DIPK1A: variants seen among roughly 807,000 people sequenced by gnomAD.
The protein encoded by DIPK1A is family with sequence similarity 69 member A.
Under a neutral mutation model 40.8 loss-of-function variants are expected in DIPK1A, and 27 were observed. That is an observed-to-expected ratio of 0.66 (90% CI 0.49 to 0.91). DIPK1A has a LOEUF of 0.91. Ranked by LOEUF, DIPK1A falls within the 40% of genes least tolerant of loss-of-function variation. DIPK1A has a pLI of 0.00. For missense variants in DIPK1A, 412 were observed against 505.7 expected, an observed-to-expected ratio of 0.81 and a Z score of 1.78; for synonymous variants, 166 against 171.3, an observed-to-expected ratio of 0.97 and a Z score of 0.24.
intron 3 of DIPK1A, among the ~76,000 whole-genome samples, chr1:92,850,572 A>G (rs946275088): frequency 3.9e-5 from 6 of 152,108 alleles, no homozygotes; most frequent in African/African-American, 1.4e-4. Context: ...TCCCAGCTAC[A>G]TGGGAGGCTG....
intron 2 of DIPK1A, among the ~76,000 whole-genome samples, chr1:92,864,099 A>G (rs1366372441): frequency 1.3e-5 from 2 of 152,158 alleles, no homozygotes; most frequent in Non-Finnish European, 2.9e-5. Context: ...AAAAAAACCC[A>G]GTATGTTCCA....
At chr1:92,942,509 A>C (rs1049150629) in intron 1 of DIPK1A, among the ~76,000 whole-genome samples, 1 of 152,182 alleles carries the variant, frequency 6.6e-6, no homozygotes, top group Non-Finnish European at 1.5e-5. Flanking sequence ...CTAATCTTTT[A>C]GCAGTTTTTT....
chr1:92,871,689 T>C lies in DIPK1A; in HGVS notation c.189+4607A>G, dbSNP rs1647868506. 2.6e-5 allele frequency among the ~76,000 whole-genome samples: 4 copies of C among 152,222 alleles called. No homozygotes were observed. In the South Asian group the frequency reaches 8.3e-4, roughly 31 times the overall value. ...TTATATGTAATTGTTATTCTAGGTATTGCAGCATATAAATGGAATCATACA... is the reference window on the plus strand; with the variant it reads ...TTATATGTAATTGTTATTCTAGGTACTGCAGCATATAAATGGAATCATACA... On this transcript the variant is annotated intron_variant, in intron 2 of 4. Transcript: ENST00000370310.
intron 1 of DIPK1A, among the ~76,000 whole-genome samples, chr1:92,937,853 A>AT (rs1231173436): frequency 6.6e-6 from 1 of 152,018 alleles, no homozygotes; most frequent in Non-Finnish European, 1.5e-5. Flanking sequence ...GGCCTTTCAC[A>AT]TAAAAAGCCA....
chr1:92,836,398 A>G (rs1687127288), intron 4 of DIPK1A: 1 of 1,613,540 alleles, frequency 6.2e-7, no homozygotes, highest in Non-Finnish European at 8.5e-7. Context: ...CACAGGTAAG[A>G]ATACTATTTA....
intron 1 of DIPK1A, among the ~76,000 whole-genome samples, chr1:92,898,613 T>C (rs1293954705): frequency 6.6e-6 from 1 of 152,164 alleles, no homozygotes; most frequent in Non-Finnish European, 1.5e-5. Flanking sequence ...TAGCTGGGAC[T>C]ATAGGTGTGA....
rs950154061 is a variant in DIPK1A, at chr1:92,832,860, A to G, written c.*160T>C. On this transcript the variant is annotated 3_prime_UTR_variant, in exon 5 of 5. Coordinates refer to the DIPK1A transcript ENST00000615519. ...TGCCCAGTTAAGCTTTGTGGCAGGT[A>G]ATTTAGGCTTTTGAAAAACATAACA... The G allele has an allele frequency of 2.8e-5, 17 of 617,146 alleles. No homozygotes were observed. In the African/African-American group the frequency reaches 2.8e-4, roughly 10 times the overall value. 38.2% of individuals were successfully genotyped at this position (617,146 alleles called of 1,614,324 possible).
At chr1:92,943,581 T>C (rs1343447052) in intron 1 of DIPK1A, among the ~76,000 whole-genome samples, 1 of 151,052 alleles carries the variant, frequency 6.6e-6, no homozygotes, top group African/African-American at 2.4e-5. Flanking sequence ...AAAAACCAGA[T>C]AGCTGAAAGA....
chr1:92,855,129 A>G (rs1557454518), intron 2 of DIPK1A, among the ~76,000 whole-genome samples: 2 of 152,202 alleles, frequency 1.3e-5, no homozygotes, highest in African/African-American at 4.8e-5. Context: ...AAACAAAAAA[A>G]CAAACATATG....
At chr1:92,946,264 TA>T (rs1651358428) in intron 1 of DIPK1A, among the ~76,000 whole-genome samples, 1 of 152,146 alleles carries the variant, frequency 6.6e-6, no homozygotes, top group South Asian at 2.1e-4. Context: ...AATAATATAA[TA>T]TTATTTATAG....
In DIPK1A at chr1:92,924,738, C is replaced by A. The variant is rs895424621; in HGVS notation, c.54+36638G>T. On this transcript the variant is annotated intron_variant, in intron 1 of 4. Coordinates refer to ENST00000370310, the MANE Select transcript of DIPK1A (RefSeq NM_001006605.5). ...GGTGTCAGGGAGTGATTGAGTCCAGCAAATCTTCTGTCGGCAGGAGCACTT... is the reference window on the plus strand; with the variant it reads ...GGTGTCAGGGAGTGATTGAGTCCAGAAAATCTTCTGTCGGCAGGAGCACTT... 2.6e-5 allele frequency among the ~76,000 whole-genome samples: 4 copies of A among 152,178 alleles called. 1 individual carries two copies. The highest frequency in any genetic ancestry group is 9.7e-5 in the African/African-American group (4 of 41,430).
chr1:92,901,230 C>T (rs1557477158), intron 1 of DIPK1A, among the ~76,000 whole-genome samples: 1 of 151,846 alleles, frequency 6.6e-6, no homozygotes, highest in African/African-American at 2.4e-5. Context: ...GGAGACTTAG[C>T]TGAGGGGATC....
At chr1:92,888,968 C>T (rs557393400) in intron 1 of DIPK1A, among the ~76,000 whole-genome samples, 1 of 152,254 alleles carries the variant, frequency 6.6e-6, no homozygotes, top group Non-Finnish European at 1.5e-5. Flanking sequence ...TGCACGTTGT[C>T]TCTTCACTCT....
At chr1:92,867,279 C>G (rs1277607593) in intron 2 of DIPK1A, among the ~76,000 whole-genome samples, 3 of 135,548 alleles carry the variant, frequency 2.2e-5, no homozygotes, top group East Asian at 4.3e-4. Flanking sequence ...TGGTCTTGAT[C>G]TCTTGACCTC....
intron 1 of DIPK1A, among the ~76,000 whole-genome samples, chr1:92,900,892 T>TA (rs1649387254): frequency 6.6e-6 from 1 of 152,128 alleles, no homozygotes; most frequent in Non-Finnish European, 1.5e-5. Flanking sequence ...TTTTTTTTTT[T>TA]ATGTCCATGT....
chr1:92,951,828 C>A (rs1329456510), intron 1 of DIPK1A, among the ~76,000 whole-genome samples: 1 of 151,902 alleles, frequency 6.6e-6, no homozygotes, highest in East Asian at 1.9e-4. Flanking sequence ...ACAATGAATA[C>A]TCTTATACCC....
At chr1:92,851,526 G>A (rs910775645) in intron 2 of DIPK1A, among the ~76,000 whole-genome samples, 1 of 91,926 alleles carries the variant, frequency 1.1e-5, no homozygotes, top group Non-Finnish European at 2.0e-5. Flanking sequence ...CTGGGTGAGA[G>A]AGTGAGACCC....
In DIPK1A at chr1:92,877,201, C is replaced by T. The variant is rs184602732; in HGVS notation, c.55-771G>A. ...TAATTGCAACTCGGGCTGGTTGATGCCTTTTTTCCATCAATTACATATCAA... is the reference window on the plus strand; with the variant it reads ...TAATTGCAACTCGGGCTGGTTGATGTCTTTTTTCCATCAATTACATATCAA... On this transcript the variant is annotated intron_variant, in intron 1 of 4. Coordinates refer to ENST00000370310, the MANE Select transcript of DIPK1A (RefSeq NM_001006605.5). 2.4e-5 allele frequency: 21 copies of T among 873,040 alleles called. No individual in the cohort carries two copies. The Admixed American group carries it at 1.1e-3, about 46-fold the overall frequency. The allele number at this position is 873,040 out of a possible 1,614,324, so 54.1% of individuals were successfully genotyped here.
chr1:92,869,535 C>T (rs1647733109), intron 2 of DIPK1A, among the ~76,000 whole-genome samples: 1 of 152,080 alleles, frequency 6.6e-6, no homozygotes, highest in South Asian at 2.1e-4. Context: ...TAAAAGGACC[C>T]ACACTTTAAA....
Sources: allele counts gnomAD v4.1 joint callset (sites outside exome capture counted in the v4.1 genomes callset), GRCh38; gene constraint gnomAD v4.1.1; transcripts MANE v1.5; gene names NCBI Gene and HGNC (gene_info 2026-07-23, HGNC 2026-07-21).